NDUFAF7: variants seen among roughly 807,000 people sequenced by gnomAD.
NDUFAF7 encodes the protein protein arginine methyltransferase NDUFAF7, mitochondrial.
NDUFAF7 carries 48 observed loss-of-function variants against 47.2 expected under a neutral mutation model. The ratio of observed to expected loss-of-function variants is 1.02; its 90% CI spans 0.81 to 1.29. NDUFAF7 has a LOEUF of 1.29. Ranked by LOEUF, NDUFAF7 falls within the 50% of genes most tolerant of loss-of-function variation. The probability of loss-of-function intolerance (pLI) is 0.00; values close to 1 mark genes in which losing one functional copy is unlikely to be tolerated. For missense variants in NDUFAF7, 635 were observed against 537.6 expected, an observed-to-expected ratio of 1.18 and a Z score of -1.79; for synonymous variants, 217 against 190.0, an observed-to-expected ratio of 1.14 and a Z score of -1.17.
intron 7 of NDUFAF7, 60 bp from the exon 8 acceptor site, chr2:37,245,992 C>T (rs541811868): frequency 2.1e-5 from 33 of 1,580,754 alleles, no homozygotes; most frequent in Middle Eastern, 1.9e-4. Flanking sequence ...CCTGAAAAAC[C>T]GTAAGGAAGT....
chr2:37,256,656 TTTTACCTTCACCAGAAA>T, downstream of NDUFAF7: 3 of 1,260,268 alleles, frequency 2.4e-6, no homozygotes, highest in Non-Finnish European at 3.1e-6. Flanking sequence ...TTTTTTTTTT[TTTTACCTTCACCAGAAA>T]TTTCTCTCCA....
At chr2:37,260,836 ATAT>A in the NDUFAF7 span, among the ~76,000 whole-genome samples, 2 of 152,196 alleles carry the variant, frequency 1.3e-5, no homozygotes, top group African/African-American at 2.4e-5. Flanking sequence ...GATTCTTATA[ATAT>A]TATAATCATT....
the NDUFAF7 span, chr2:37,267,706 C>T: frequency 3.5e-6 from 2 of 563,850 alleles, no homozygotes; most frequent in African/African-American, 1.9e-5. Flanking sequence ...AAATTGTTTT[C>T]CCCTCCATAC....
At chr2:37,254,268 A>G, downstream of NDUFAF7, 3 of 1,613,410 alleles carry the variant, frequency 1.9e-6, no homozygotes, top group Non-Finnish European at 2.5e-6. Context: ...CACTTGAAGC[A>G]GATTGTTTAT....
intron 2 of NDUFAF7, among the ~76,000 whole-genome samples, chr2:37,232,998 C>T (rs1025494602): frequency 6.6e-6 from 1 of 152,180 alleles, no homozygotes; most frequent in African/African-American, 2.4e-5. Context: ...GAGGTTTACC[C>T]AAGGCCGGTA....
At chr2:37,246,674 A>G (rs1363236078) in intron 8 of NDUFAF7, among the ~76,000 whole-genome samples, 1 of 152,162 alleles carries the variant, frequency 6.6e-6, no homozygotes, top group East Asian at 1.9e-4. Flanking sequence ...TTTGAATATA[A>G]TCAATTCTAT....
At chr2:37,236,392 G>T (rs1459628819) in intron 3 of NDUFAF7, among the ~76,000 whole-genome samples, 1 of 152,104 alleles carries the variant, frequency 6.6e-6, no homozygotes, top group Non-Finnish European at 1.5e-5. Context: ...TGTAGGAAGG[G>T]AAATGGAGAG....
In NDUFAF7 at chr2:37,247,760, A is replaced by G. The variant is rs529724760; in HGVS notation, c.1110+131A>G. ...CCTTGGTATTCCAGTCTTTTCAGGT[A>G]GTATAGGATTTAGTAACTAGTCTGG... On this transcript the variant is annotated intron_variant, in intron 9 of 9. Transcript: ENST00000002125. 42 of 1,118,082 alleles carry G rather than the reference A, an allele frequency of 3.8e-5. No individual in the cohort carries two copies. The South Asian group carries it at 4.8e-4, about 13-fold the overall frequency. The allele number at this position is 1,118,082 out of a possible 1,614,324, so 69.3% of individuals were successfully genotyped here. A position where few individuals can be genotyped will look rare whatever the true frequency, so the allele number is the denominator to read the frequency against.
rs1340128700 is a variant in NDUFAF7 at position 37,248,625 on chromosome 2, A to G, written c.*275A>G. The G allele has an allele frequency of 2.4e-6, 1 of 413,612 alleles. No homozygotes were observed. Among genetic ancestry groups the G allele is most frequent in the Non-Finnish European group, 4.5e-6 (1 of 221,122 alleles). 25.6% of individuals were successfully genotyped at this position (413,612 alleles called of 1,614,324 possible). A position where few individuals can be genotyped will look rare whatever the true frequency, so the allele number is the denominator to read the frequency against. ...ATATTTCTATTTTATTTTAAAAAGT[A>G]AACATGCGGCTGGGCGTGGTGGCTC... On this transcript the variant is annotated 3_prime_UTR_variant, in exon 10 of 10. Transcript: ENST00000002125.
Position 37,232,169 on chromosome 2 carries a change from T to G in NDUFAF7, c.119T>G (p.Val40Gly). 2.5e-6 allele frequency: 4 copies of G among 1,614,214 alleles called. No individual in the cohort carries two copies. Among genetic ancestry groups the G allele is most frequent in the Non-Finnish European group, 3.4e-6 (4 of 1,180,036 alleles). ...GGGAATGAGCCTGCAGAAAACCCGG[T>G]GACGCCGATGCTGCGGCATCTTATG... ...SSGNEPAENP[V>G]TPMLRHLMYK... Residue 40 changes from valine to glycine, a missense_variant, in exon 2 of 10, where the codon GTG becomes GGG. Val to Gly is a moderately radical substitution (Grantham distance 109). Coordinates refer to ENST00000002125, the MANE Select transcript of NDUFAF7 (RefSeq NM_144736.5).
At chr2:37,257,666 CAAAAGAAAAAAAAAAAAAA>C (rs1317153064), downstream of NDUFAF7, among the ~76,000 whole-genome samples, 4 of 62,402 alleles carry the variant, frequency 6.4e-5, no homozygotes, top group African/African-American at 1.5e-4. Context: ...GACTCTGTCT[CAAAAGAAAAAAAAAAAAAA>C]AAAAAAAAAG....
At chr2:37,235,394 C>T (rs1257982786) in intron 2 of NDUFAF7, among the ~76,000 whole-genome samples, 3 of 152,048 alleles carry the variant, frequency 2.0e-5, no homozygotes, top group African/African-American at 7.2e-5. Flanking sequence ...AGAAACAGAA[C>T]ATCACCAGCA....
At chr2:37,251,524 A>G (rs1667491894), downstream of NDUFAF7, 1 of 152,600 alleles carries the variant, frequency 6.6e-6, no homozygotes, top group Non-Finnish European at 1.5e-5. Context: ...ACTGTTTGCT[A>G]CTATTCTTTC....
chr2:37,240,157 G>A (rs993889090), intron 4 of NDUFAF7, among the ~76,000 whole-genome samples: 3 of 152,148 alleles, frequency 2.0e-5, no homozygotes, highest in African/African-American at 2.4e-5. Context: ...ATGGCTGGGC[G>A]CAGTGGCCCA....
intron 4 of NDUFAF7, 44 bp from the exon 5 acceptor site, chr2:37,241,534 C>A: frequency 6.8e-7 from 1 of 1,466,026 alleles, no homozygotes; most frequent in Non-Finnish European, 9.4e-7. Flanking sequence ...AAACTTAAAA[C>A]CTACTTAACA....
intron 8 of NDUFAF7, chr2:37,247,190 T>C: frequency 2.1e-6 from 1 of 485,026 alleles, no homozygotes; most frequent in Non-Finnish European, 3.8e-6. Context: ...GGCCTCCAGC[T>C]ATGTCTACGT....
At position 37,232,110 on chromosome 2, in the gene NDUFAF7, T is replaced by A; in HGVS notation, c.60T>A (p.Ile20=). 6.2e-7 allele frequency: 1 copy of A among 1,614,212 alleles called. No homozygotes were observed. Among genetic ancestry groups the A allele is most frequent in the Non-Finnish European group, 8.5e-7 (1 of 1,180,036 alleles). The change falls in exon 2 of 10, where the codon ATT becomes ATA. Residue 20 remains isoleucine, a synonymous_variant. Coordinates refer to ENST00000002125, the MANE Select transcript of NDUFAF7 (RefSeq NM_144736.5). ...TTTAATTTGTGTTTTTCGCAGCCATTCCTTTTATTTGGAGAGGGAAATACT... is the reference window on the plus strand; with the variant it reads ...TTTAATTTGTGTTTTTCGCAGCCATACCTTTTATTTGGAGAGGGAAATACT... ...GPLCAVARAA[I]PFIWRGKYFS...
chr2:37,233,923 C>T (rs959569477), intron 2 of NDUFAF7, among the ~76,000 whole-genome samples: 2 of 152,136 alleles, frequency 1.3e-5, no homozygotes, highest in African/African-American at 4.8e-5. Context: ...TATGAACATA[C>T]GCAGCAACTA....
At chr2:37,240,136 A>G (rs1028790307) in intron 4 of NDUFAF7, among the ~76,000 whole-genome samples, 1 of 152,344 alleles carries the variant, frequency 6.6e-6, no homozygotes, top group African/African-American at 2.4e-5. Context: ...AATTCAATGT[A>G]AAAAACAAAC....
Sources: allele counts gnomAD v4.1 joint callset (sites outside exome capture counted in the v4.1 genomes callset), GRCh38; gene constraint gnomAD v4.1.1; transcripts MANE v1.5; gene names NCBI Gene and HGNC (gene_info 2026-07-23, HGNC 2026-07-21).